The following AKR1D1 variants were observed in gnomAD, a reference collection of about 807,000 sequenced individuals.
AKR1D1 encodes the protein aldo-keto reductase family 1 member D1.
Under a neutral mutation model 42.6 loss-of-function variants are expected in AKR1D1, and 32 were observed. The observed-to-expected ratio is 0.75, with a 90% confidence interval of 0.57 to 1.01. The LOEUF (loss-of-function observed/expected upper bound fraction) is 1.01. Among genes scored for constraint, AKR1D1 ranks in the 50% least tolerant of loss-of-function variants. AKR1D1 has a pLI of 0.00. For missense variants in AKR1D1, 364 were observed against 402.2 expected, an observed-to-expected ratio of 0.91 and a Z score of 0.81; for synonymous variants, 123 against 135.5, an observed-to-expected ratio of 0.91 and a Z score of 0.64.
chr7:138,080,404 A>G (rs1193695830), intron 1 of AKR1D1, among the ~76,000 whole-genome samples: 1 of 152,164 alleles, frequency 6.6e-6, no homozygotes, highest in Non-Finnish European at 1.5e-5. Context: ...GTTTCTTTAA[A>G]TTATGCAATG....
intron 2 of AKR1D1, 41 bp from the exon 3 acceptor site, chr7:138,091,727 C>A (rs139569936): frequency 1.4e-6 from 2 of 1,441,528 alleles, no homozygotes; most frequent in Non-Finnish European, 2.0e-6. Flanking sequence ...TCGTAAAAAG[C>A]GTGTAGACAT....
At chr7:138,098,609 C>T (rs923076580) in intron 4 of AKR1D1, among the ~76,000 whole-genome samples, 5 of 152,132 alleles carry the variant, frequency 3.3e-5, no homozygotes, top group African/African-American at 1.2e-4. Flanking sequence ...GATGCCGTCT[C>T]AAAAACAGGA....
At chr7:138,077,441 C>T (rs1490470287) in intron 1 of AKR1D1, among the ~76,000 whole-genome samples, 1 of 152,186 alleles carries the variant, frequency 6.6e-6, no homozygotes, top group Non-Finnish European at 1.5e-5. Context: ...CCCCATGATT[C>T]AATTACCTCT....
chr7:138,092,647 C>T lies in AKR1D1; in HGVS notation c.378+763C>T, dbSNP rs188714095. 6.6e-4 allele frequency among the ~76,000 whole-genome samples: 100 copies of T among 152,278 alleles called. 3 individuals are homozygous for T. The highest frequency in any genetic ancestry group is 6.8e-3 in the Middle Eastern group (2 of 294). ...ACAGACTTAGGCTAGATAGCCCAGC[C>T]GATTGCTCCTAGGCTATAAACCTGC... On this transcript the variant is annotated intron_variant, in intron 3 of 8. Transcript: ENST00000242375.
At chr7:138,089,673 A>G (rs1250554798) in intron 2 of AKR1D1, among the ~76,000 whole-genome samples, 1 of 152,230 alleles carries the variant, frequency 6.6e-6, no homozygotes, top group Non-Finnish European at 1.5e-5. Context: ...AATAGAAAGC[A>G]ATATTTATAC....
At chr7:138,086,619 C>T (rs1803186703) in intron 1 of AKR1D1, among the ~76,000 whole-genome samples, 1 of 152,152 alleles carries the variant, frequency 6.6e-6, no homozygotes. Flanking sequence ...ATATCCTGCC[C>T]AGGACTATAA....
intron 3 of AKR1D1, among the ~76,000 whole-genome samples, chr7:138,094,884 C>A (rs567493864): frequency 9.7e-4 from 148 of 152,236 alleles, no homozygotes; most frequent in African/African-American, 3.2e-3. Flanking sequence ...ATATTTTTAG[C>A]ACTTTATTAT....
At chr7:138,095,375 G>A (rs1378887463) in intron 3 of AKR1D1, among the ~76,000 whole-genome samples, 1 of 152,214 alleles carries the variant, frequency 6.6e-6, no homozygotes, top group Non-Finnish European at 1.5e-5. Flanking sequence ...GGAGAAAAGG[G>A]ACTGTTCCCT....
chr7:138,076,532 C>T lies in AKR1D1; in HGVS notation c.14C>T (p.Ala5Val). Residue 5 changes from alanine (A) to valine (V), a missense_variant, in exon 1 of 9, where the codon GCT becomes GTT. By Grantham distance (64) the Ala-to-Val change is moderately conservative. Coordinates refer to ENST00000242375, the MANE Select transcript of AKR1D1 (RefSeq NM_005989.4). MDLSAASHRIPLSDG... is the reference protein window; with the variant it reads MDLSVASHRIPLSDG... ...AGGTTCTCCACAATGGATCTCAGTGCTGCAAGTCACCGCATACCTCTAAGT... is the reference window on the plus strand; with the variant it reads ...AGGTTCTCCACAATGGATCTCAGTGTTGCAAGTCACCGCATACCTCTAAGT... 1 of 1,613,418 alleles carries T rather than the reference C, an allele frequency of 6.2e-7. No individual in the cohort carries two copies. The highest frequency in any genetic ancestry group is 8.5e-7 in the Non-Finnish European group (1 of 1,179,598).
In AKR1D1 at chr7:138,076,927, T is replaced by G. The variant is rs572531840; in HGVS notation, c.93+316T>G. 6.6e-5 allele frequency among the ~76,000 whole-genome samples: 10 copies of G among 152,308 alleles called. No homozygotes were observed. The South Asian group carries it at 2.1e-3, about 32-fold the overall frequency. On this transcript the variant is annotated intron_variant, in intron 1 of 8. Coordinates refer to ENST00000242375, the MANE Select transcript of AKR1D1 (RefSeq NM_005989.4). The stretch of plus-strand genomic sequence containing the variant: ...ATGAAATTCGTGTGTTTATGACTTG[T>G]GTTTTTTTTATATGAGATAATTTTT...
At chr7:138,104,612 A>G (rs113623868) in intron 4 of AKR1D1, among the ~76,000 whole-genome samples, 12,315 of 150,370 alleles carry the variant, frequency 0.082, 1,732 homozygotes, top group African/African-American at 0.29. Flanking sequence ...CCTGCGAGAC[A>G]GAGTTTGCAG....
intron 1 of AKR1D1, 123 bp from the exon 2 acceptor site, chr7:138,088,478 C>G (rs1310987859): frequency 8.4e-7 from 1 of 1,192,890 alleles, no homozygotes; most frequent in East Asian, 2.4e-5. Flanking sequence ...ATCACAACAG[C>G]AAGGAATTGG....
In AKR1D1 at chr7:138,085,561, C is replaced by A. The variant is rs150969590; in HGVS notation, c.94-3040C>A. On this transcript the variant is annotated intron_variant, in intron 1 of 8. Coordinates refer to ENST00000242375, the MANE Select transcript of AKR1D1 (RefSeq NM_005989.4). ...CCAGGTTCAAGAGATTCCCCTGCCT[C>A]AGCCTCCCAAGTAGCTGGGATTACA... Among the ~76,000 whole-genome samples, 1,508 of 151,504 alleles carry A rather than the reference C, an allele frequency of 1.0e-2. 14 individuals carry two copies. Among genetic ancestry groups the A allele is most frequent in the Non-Finnish European group, 0.014 (934 of 67,908 alleles).
intron 1 of AKR1D1, among the ~76,000 whole-genome samples, chr7:138,079,972 T>G (rs1803019085): frequency 6.6e-6 from 1 of 152,054 alleles, no homozygotes; most frequent in Admixed American, 6.5e-5. Context: ...GCCTGCTGGG[T>G]CATATGGCCC....
At chr7:138,081,206 G>A (rs1160506071) in intron 1 of AKR1D1, among the ~76,000 whole-genome samples, 1 of 152,166 alleles carries the variant, frequency 6.6e-6, no homozygotes, top group Non-Finnish European at 1.5e-5. Context: ...CATGTATGTG[G>A]ATGTCACTTT....
chr7:138,093,535 T>C (rs1291366856), intron 3 of AKR1D1, among the ~76,000 whole-genome samples: 1 of 152,130 alleles, frequency 6.6e-6, no homozygotes, highest in Non-Finnish European at 1.5e-5. Flanking sequence ...ATCAGTGTCT[T>C]CCACGTCCAC....
chr7:138,078,266 G>T (rs1339701616), intron 1 of AKR1D1, among the ~76,000 whole-genome samples: 2 of 152,124 alleles, frequency 1.3e-5, no homozygotes, highest in Non-Finnish European at 2.9e-5. Context: ...TCAGCCAGGA[G>T]TTGGAACTTC....
chr7:138,095,505 A>G (rs1031593187), intron 3 of AKR1D1, among the ~76,000 whole-genome samples: 1 of 151,104 alleles, frequency 6.6e-6, no homozygotes, highest in Non-Finnish European at 1.5e-5. Context: ...TAGAGGAAAA[A>G]ATTAAAATTT....
chr7:138,115,770 C>T (rs981855988), intron 8 of AKR1D1, among the ~76,000 whole-genome samples: 1 of 152,164 alleles, frequency 6.6e-6, no homozygotes, highest in African/African-American at 2.4e-5. Context: ...CAGGAACACA[C>T]ACATTCCAGA....
Sources: gnomAD v4.1 joint callset for allele counts (sites outside exome capture counted in the v4.1 genomes callset) on GRCh38, gnomAD v4.1.1 for gene constraint, MANE v1.5 for transcripts, NCBI Gene and HGNC (gene_info 2026-07-23, HGNC 2026-07-21) for gene names.